Variants in DPH6 observed in about 807,000 individuals in gnomAD.
DPH6 encodes diphthine--ammonia ligase.
Under a neutral mutation model 38.2 loss-of-function variants are expected in DPH6, and 33 were observed. That is an observed-to-expected ratio of 0.86 (90% CI 0.65 to 1.15). The LOEUF is 1.15. DPH6 is among the 50% of genes most tolerant of loss of function. DPH6 has a pLI of 0.00. For missense variants in DPH6, 325 were observed against 320.0 expected (o/e 1.02, Z -0.12); for synonymous variants, 108 against 103.0 (o/e 1.05, Z -0.30).
intron 3 of DPH6, among the ~76,000 whole-genome samples, chr15:35,239,107 A>G (rs1340649485): frequency 7.0e-6 from 1 of 143,872 alleles, no homozygotes; most frequent in Admixed American, 7.5e-5. Flanking sequence ...TGGGAGATCA[A>G]TCCCCCGTCC....
At chr15:35,519,687 T>C (rs1307666213) in intron 3 of DPH6, 2 of 152,428 alleles carry the variant, frequency 1.3e-5, no homozygotes, top group Non-Finnish European at 2.9e-5. Context: ...ACATTTGAAA[T>C]CATCTACATC....
At chr15:35,289,034 C>A (rs1428471601) in intron 3 of DPH6, among the ~76,000 whole-genome samples, 3 of 151,716 alleles carry the variant, frequency 2.0e-5, no homozygotes, top group Non-Finnish European at 4.4e-5. Context: ...GTATTTTTAC[C>A]GACTGTTGGA....
chr15:35,255,084 T>TGCA (rs2051698611), intron 3 of DPH6, among the ~76,000 whole-genome samples: 1 of 152,194 alleles, frequency 6.6e-6, no homozygotes, highest in South Asian at 2.1e-4. Flanking sequence ...TGCGATGGCC[T>TGCA]GGGCTCAGAG....
chr15:35,434,445 T>C (rs780034843), intron 5 of DPH6, among the ~76,000 whole-genome samples: 3 of 152,066 alleles, frequency 2.0e-5, no homozygotes, highest in South Asian at 2.1e-4. Context: ...AAACAAAAAA[T>C]TGATGACATA....
intron 3 of DPH6, among the ~76,000 whole-genome samples, chr15:35,313,019 G>A (rs2052157560): frequency 6.6e-6 from 1 of 152,114 alleles, no homozygotes; most frequent in South Asian, 2.1e-4. Context: ...CTTGAGGTCA[G>A]GAGTTTGAGA....
At chr15:35,481,159 ATTTAAT>A (rs1485175707) in intron 3 of DPH6, among the ~76,000 whole-genome samples, 1 of 152,164 alleles carries the variant, frequency 6.6e-6, no homozygotes, top group Non-Finnish European at 1.5e-5. Context: ...TTTAAATGTT[ATTTAAT>A]TTTAACAAAT....
intron 3 of DPH6, among the ~76,000 whole-genome samples, chr15:35,536,507 T>C (rs2055171930): frequency 6.6e-6 from 1 of 151,980 alleles, no homozygotes; most frequent in Non-Finnish European, 1.5e-5. Flanking sequence ...AGCATCCATT[T>C]CTCCAAAGAC....
the DPH6 span, among the ~76,000 whole-genome samples, chr15:35,152,791 G>A: frequency 6.6e-6 from 1 of 152,194 alleles, no homozygotes; most frequent in Non-Finnish European, 1.5e-5. Flanking sequence ...GAGCCACTCA[G>A]CCCAGCCAGA....
rs1310706122 is a variant in DPH6 at position 35,372,021 on chromosome 15, G to C, written c.*129C>G. On this transcript the variant is annotated 3_prime_UTR_variant, in exon 9 of 9. Coordinates refer to ENST00000256538, the MANE Select transcript of DPH6 (RefSeq NM_080650.4). ...AATGGTTCCACTAACCTCTTCTAGT[G>C]AAAGTATGTTTCTCTAAAAAAATAA... 7.1e-7 allele frequency: 1 copy of C among 1,407,322 alleles called. No individual in the cohort carries two copies. Among genetic ancestry groups the C allele is most frequent in the Non-Finnish European group, 9.2e-7 (1 of 1,082,928 alleles). 87.2% of individuals were successfully genotyped at this position (1,407,322 alleles called of 1,614,324 possible).
At chr15:35,190,482 C>T in the DPH6 span, among the ~76,000 whole-genome samples, 12 of 152,094 alleles carry the variant, frequency 7.9e-5, no homozygotes, top group African/African-American at 2.7e-4. Context: ...GTGGGATTGC[C>T]GAACTGGCTG....
At chr15:35,490,933 A>AAG (rs2054467874) in intron 3 of DPH6, among the ~76,000 whole-genome samples, 1 of 152,146 alleles carries the variant, frequency 6.6e-6, no homozygotes, top group Admixed American at 6.6e-5. Flanking sequence ...ATCTCATGGC[A>AAG]GAAGACACCA....
intron 3 of DPH6, among the ~76,000 whole-genome samples, chr15:35,269,323 G>C (rs1447670973): frequency 1.3e-5 from 2 of 151,870 alleles, no homozygotes; most frequent in Non-Finnish European, 2.9e-5. Flanking sequence ...CTGATTATAT[G>C]GTCTGATTAA....
intron 5 of DPH6, among the ~76,000 whole-genome samples, chr15:35,433,536 G>C (rs907496778): frequency 6.6e-6 from 1 of 152,138 alleles, no homozygotes; most frequent in Non-Finnish European, 1.5e-5. Context: ...AATATTTTAG[G>C]TTTTGTAGGC....
intron 3 of DPH6, among the ~76,000 whole-genome samples, chr15:35,476,869 GA>G (rs1344609607): frequency 6.6e-6 from 1 of 151,758 alleles, no homozygotes; most frequent in Non-Finnish European, 1.5e-5. Context: ...AATAATCTAT[GA>G]AAAATAGGCA....
intron 3 of DPH6, among the ~76,000 whole-genome samples, chr15:35,357,100 T>A (rs1232107769): frequency 6.6e-6 from 1 of 152,228 alleles, no homozygotes; most frequent in Non-Finnish European, 1.5e-5. Flanking sequence ...GGATATAATC[T>A]CCTGTTGTGC....
At chr15:35,331,310 T>C (rs942923178) in intron 3 of DPH6, among the ~76,000 whole-genome samples, 41 of 152,186 alleles carry the variant, frequency 2.7e-4, no homozygotes, top group African/African-American at 9.6e-4. Context: ...GCTGTTTAAA[T>C]GATCTCAAAG....
At chr15:35,528,799 T>G (rs11073103) in intron 3 of DPH6, among the ~76,000 whole-genome samples, 96,062 of 152,104 alleles carry the variant, frequency 0.63, 34,041 homozygotes, top group East Asian at 0.86. Context: ...TGATATTATC[T>G]ATTATATTCT....
chr15:35,452,684 C>A (rs559624909), intron 4 of DPH6, among the ~76,000 whole-genome samples: 56 of 152,250 alleles, frequency 3.7e-4, no homozygotes, highest in African/African-American at 1.3e-3. Flanking sequence ...CTCAGAACAT[C>A]TAAAGCAATG....
At chr15:35,241,971 T>A (rs1388547942) in intron 3 of DPH6, among the ~76,000 whole-genome samples, 1 of 143,948 alleles carries the variant, frequency 6.9e-6, no homozygotes, top group Non-Finnish European at 1.5e-5. Flanking sequence ...ACCCATATAC[T>A]CTCCTATCCT....
Sources: allele counts gnomAD v4.1 joint callset (sites outside exome capture counted in the v4.1 genomes callset), GRCh38; gene constraint gnomAD v4.1.1; transcripts MANE v1.5; gene names NCBI Gene and HGNC (gene_info 2026-07-23, HGNC 2026-07-21).